Variants in DLX5 observed in about 807,000 individuals in gnomAD.
DLX5 encodes the protein distal-less homeobox 5.
In DLX5, 8 loss-of-function variants were observed where a neutral mutation model predicts 27.1. The observed-to-expected ratio is 0.30, with a 90% confidence interval of 0.17 to 0.53. The LOEUF is 0.53. DLX5 is among the 20% of genes least tolerant of loss of function. The pLI is 0.95. For synonymous variants in DLX5, 178 were observed against 161.9 expected (o/e 1.10, Z -0.75); for missense variants, 339 against 375.1 (o/e 0.90, Z 0.80).
At chr7:97,022,498 T>A (rs959658190) in intron 1 of DLX5, 129 bp from the exon 2 acceptor site, 118 of 1,500,124 alleles carry the variant, frequency 7.9e-5, no homozygotes, top group Non-Finnish European at 1.0e-4. Flanking sequence ...CACCACCACC[T>A]TTGCTTTTCA....
At chr7:97,023,771 A>T (rs1446423934) in intron 1 of DLX5, among the ~76,000 whole-genome samples, 3 of 70,258 alleles carry the variant, frequency 4.3e-5, no homozygotes, top group Admixed American at 1.6e-4. Flanking sequence ...TAACCCCCCC[A>T]CCCCCACCCA....
intron 1 of DLX5, among the ~76,000 whole-genome samples, chr7:97,023,346 G>A (rs950239749): frequency 1.4e-5 from 2 of 146,918 alleles, no homozygotes; most frequent in East Asian, 4.0e-4. Context: ...GGGTGTGTGT[G>A]TGTGTGTGTG....
At position 97,024,111 on chromosome 7, in the gene DLX5, G is replaced by A. The variant is rs1281198205; in HGVS notation, c.355+158C>T. Among the ~76,000 whole-genome samples the A allele has an allele frequency of 1.3e-5, 2 of 152,136 alleles. No individual in the cohort carries two copies. Among genetic ancestry groups the A allele is most frequent in the East Asian group, 1.9e-4 (1 of 5,178 alleles). On this transcript the variant is annotated intron_variant, in intron 1 of 2. Coordinates refer to ENST00000648378, the MANE Select transcript of DLX5 (RefSeq NM_005221.6). The surrounding 1 kb of genome is among the most constrained non-coding windows in gnomAD (Gnocchi z 4.6). ...CTAAAAATCCCTAAAATGCTGGCCC[G>A]AGAAACTCTCTTTGTTGGAGGGTCT...
rs1252989005 is a variant in DLX5 at position 97,024,370 on chromosome 7, C to G, written c.254G>C (p.Gly85Ala). ...GGCATAAGCTTTGGCTGGGTAGCTC[C>G]CGGCGGAGCCGTTCACGCCGTGATA... ...YQYHGVNGSA[G>A]SYPAKAYADY... Residue 85 changes from glycine (G) to alanine (A), a missense_variant, in exon 1 of 3, where the codon GGG becomes GCG. By Grantham distance (60) the Gly-to-Ala change is moderately conservative (BLOSUM62 0). This residue lies in a region of DLX5 where 188 missense variants were observed against 206.1 expected (regional missense o/e 0.91). Coordinates refer to ENST00000648378, the MANE Select transcript of DLX5 (RefSeq NM_005221.6). This position sits in a 1 kb window ranked among gnomAD's most constrained non-coding sequence, Gnocchi z 4.6. The G allele has an allele frequency of 4.3e-6, 7 of 1,614,104 alleles. No individual in the cohort carries two copies. The highest frequency in any genetic ancestry group is 5.9e-6 in the Non-Finnish European group (7 of 1,180,046).
In DLX5 at chr7:97,020,566, A is replaced by C; in HGVS notation, c.*170T>G. The C allele has an allele frequency of 1.5e-6, 1 of 668,856 alleles. No homozygotes were observed. The highest frequency in any genetic ancestry group is 3.8e-5 in the South Asian group (1 of 26,314). The allele number at this position is 668,856 out of a possible 1,614,324, so 41.4% of individuals were successfully genotyped here. A position where few individuals can be genotyped will look rare whatever the true frequency, so the allele number is the denominator to read the frequency against. On this transcript the variant is annotated 3_prime_UTR_variant, in exon 3 of 3. Transcript: ENST00000648378. ...CAGTTGCGCAAAAAAAGTCCTCTGT[A>C]AAAAAAGGGGGGGTCTTTTGAAATG...
At position 97,024,504 on chromosome 7, in the gene DLX5, AG is replaced by A. The variant is rs2115919635; in HGVS notation, c.119del (p.Ser40PhefsTer41). ...TGTAGTAGTCAGAATCGGTAGCTGA[AG>A]ACTCGGGCAAAGTTGGCGATTCCTG... ...PSQESPTLPE[S>X]SATDSDYYSP... On this transcript the variant is annotated frameshift_variant, in exon 1 of 3. Coordinates refer to ENST00000648378, the MANE Select transcript of DLX5 (RefSeq NM_005221.6). LOFTEE classifies it high-confidence loss of function. The surrounding 1 kb of genome is among the most constrained non-coding windows in gnomAD (Gnocchi z 4.6). 6.2e-7 allele frequency: 1 copy of A among 1,614,244 alleles called. No homozygotes were observed. Among genetic ancestry groups the A allele is most frequent in the South Asian group, 1.1e-5 (1 of 91,088 alleles).
At chr7:97,022,446 C>T (rs1221806505) in intron 1 of DLX5, 77 bp from the exon 2 acceptor site, 1 of 1,584,208 alleles carries the variant, frequency 6.3e-7, no homozygotes, top group Non-Finnish European at 8.6e-7. Context: ...CAAATAGAGT[C>T]CTAGAGTTTC....
rs1491163480 is a variant in DLX5 at position 97,023,338 on chromosome 7, G to GTGTA, written c.355+930_355+931insTACA. 9.2e-4 allele frequency among the ~76,000 whole-genome samples: 11 copies of GTGTA among 11,966 alleles called. No individual in the cohort carries two copies. The East Asian group carries it at 0.021, about 23-fold the overall frequency. 7.9% of individuals were successfully genotyped at this position (11,966 alleles called of 152,430 possible). On this transcript the variant is annotated intron_variant, in intron 1 of 2. Coordinates refer to ENST00000648378, the MANE Select transcript of DLX5 (RefSeq NM_005221.6). Reference sequence around the variant, plus strand: ...GGAACTGACGGAGAACCTCTCCAGGGTGTGTGTGTGTGTGTGTGTGTGTGT... The same window carrying GTGTA: ...GGAACTGACGGAGAACCTCTCCAGGGTGTATGTGTGTGTGTGTGTGTGTGTGTGT...
At position 97,020,752 on chromosome 7, in the gene DLX5, G is replaced by A; in HGVS notation, c.854C>T (p.Ser285Phe). The A allele has an allele frequency of 1.3e-6, 2 of 1,596,776 alleles. No homozygotes were observed. The highest frequency in any genetic ancestry group is 1.7e-6 in the Non-Finnish European group (2 of 1,168,864). Reference sequence around the variant, plus strand: ...GCAGCCCATCTAATAGAGTGTCCCGGAGGCCAGCGCCAGCGGGTGCTGTAA... The same window carrying A: ...GCAGCCCATCTAATAGAGTGTCCCGAAGGCCAGCGCCAGCGGGTGCTGTAA... ...GSLQHPLALA[S>F]GTLY Residue 285 changes from serine to phenylalanine, a missense_variant, in exon 3 of 3, where the codon TCC becomes TTC. By Grantham distance (155) the Ser-to-Phe change is radical. Transcript: ENST00000648378.
At chr7:97,021,787 C>T (rs1272453991) in intron 2 of DLX5, among the ~76,000 whole-genome samples, 1 of 152,206 alleles carries the variant, frequency 6.6e-6, no homozygotes, top group Non-Finnish European at 1.5e-5. Flanking sequence ...TTTTCTTAGC[C>T]TGAGACCACC....
intron 2 of DLX5, chr7:97,021,953 G>A: frequency 1.6e-6 from 1 of 615,276 alleles, no homozygotes; most frequent in South Asian, 2.0e-5. Context: ...CCGCTACGGG[G>A]TGGGGGCGGG....
At chr7:97,021,400 C>G (rs1011311124) in intron 2 of DLX5, among the ~76,000 whole-genome samples, 2 of 152,208 alleles carry the variant, frequency 1.3e-5, no homozygotes, top group Non-Finnish European at 2.9e-5. Flanking sequence ...TAAGCCTGCG[C>G]AGGACGCGCG....
Position 97,020,896 on chromosome 7 carries a change from G to T in DLX5, c.710C>A (p.Pro237His). 1.2e-6 allele frequency: 2 copies of T among 1,614,178 alleles called. No individual in the cohort carries two copies. The highest frequency in any genetic ancestry group is 1.7e-6 in the Non-Finnish European group (2 of 1,180,034). ...GTTGGAGGTCGGAGGGTGGGCATGAGGGTGGTGGCTGAGCGAGCGGGACGA... is the reference window on the plus strand; with the variant it reads ...GTTGGAGGTCGGAGGGTGGGCATGATGGTGGTGGCTGAGCGAGCGGGACGA... ...QGSSRSLSHH[P>H]HAHPPTSNQS... Residue 237 changes from proline (P) to histidine (H), a missense_variant, in exon 3 of 3, where the codon CCT becomes CAT. Around this residue, in one of 3 missense-constraint regions of DLX5, gnomAD observed 136 missense variants for 130.3 expected, o/e 1.04. Coordinates refer to ENST00000648378, the MANE Select transcript of DLX5 (RefSeq NM_005221.6).
At chr7:97,021,173 T>A in intron 2 of DLX5, 108 bp from the exon 3 acceptor site, 1 of 1,063,242 alleles carries the variant, frequency 9.4e-7, no homozygotes, top group South Asian at 1.6e-5. Context: ...GGCCCAGCCC[T>A]GCCTGGCGTC....
Position 97,020,746 on chromosome 7 carries a change from G to C in DLX5, c.860C>G (p.Thr287Arg), listed in dbSNP as rs772549093. 1.9e-6 allele frequency: 3 copies of C among 1,591,780 alleles called. No individual in the cohort carries two copies. The South Asian group carries it at 3.4e-5, about 18-fold the overall frequency. The change falls in exon 3 of 3, where the codon ACA becomes AGA. Residue 287 changes from threonine to arginine, a missense_variant. Physicochemically the swap from Thr to Arg is moderately conservative, Grantham distance 71. Coordinates refer to ENST00000648378, the MANE Select transcript of DLX5 (RefSeq NM_005221.6). ...LQHPLALASG[T>R]LY The stretch of plus-strand genomic sequence containing the variant: ...GAGAGAGCAGCCCATCTAATAGAGT[G>C]TCCCGGAGGCCAGCGCCAGCGGGTG...
Position 97,020,583 on chromosome 7 carries a change from T to G in DLX5, c.*153A>C. ...TCCTCTGTAAAAAAAGGGGGGGTCT[T>G]TTGAAATGCAATAACTTACATGCAA... On this transcript the variant is annotated 3_prime_UTR_variant, in exon 3 of 3. Transcript: ENST00000648378. 1.3e-6 allele frequency: 1 copy of G among 788,982 alleles called. No homozygotes were observed. Among genetic ancestry groups the G allele is most frequent in the South Asian group, 3.8e-5 (1 of 26,516 alleles). 48.9% of individuals were successfully genotyped at this position (788,982 alleles called of 1,614,324 possible).
In DLX5 at chr7:97,023,170, G is replaced by A. The variant is rs147363957; in HGVS notation, c.356-801C>T. On this transcript the variant is annotated intron_variant, in intron 1 of 2. Coordinates refer to ENST00000648378, the MANE Select transcript of DLX5 (RefSeq NM_005221.6). ...AAGGAACCGGTGGTGGGGTGTTTTCGTAGGAAAGGGGCGGCAGGTCAGGAT... is the reference window on the plus strand; with the variant it reads ...AAGGAACCGGTGGTGGGGTGTTTTCATAGGAAAGGGGCGGCAGGTCAGGAT... Among the ~76,000 whole-genome samples the A allele has an allele frequency of 1.4e-3, 209 of 150,544 alleles. 1 individual carries two copies. The highest frequency in any genetic ancestry group is 2.7e-3 in the Non-Finnish European group (185 of 67,564).
At position 97,024,443 on chromosome 7, in the gene DLX5, G is replaced by A; in HGVS notation, c.181C>T (p.Pro61Ser). 1 of 1,614,278 alleles carries A rather than the reference G, an allele frequency of 6.2e-7. No individual in the cohort carries two copies. The change falls in exon 1 of 3, where the codon CCT becomes TCT. Residue 61 changes from proline (P) to serine (S), a missense_variant. By Grantham distance (74) the Pro-to-Ser change is moderately conservative. This residue lies in a region of DLX5 where 188 missense variants were observed against 206.1 expected (regional missense o/e 0.91). Transcript: ENST00000648378. This position sits in a 1 kb window ranked among gnomAD's most constrained non-coding sequence, Gnocchi z 4.6. ...TGGAPHGYCS[P>S]TSASYGKALN... The stretch of plus-strand genomic sequence containing the variant: ...GCTTTGCCATAGGAAGCCGAGGTAG[G>A]AGAGCAGTAGCCGTGCGGGGCTCCC...
At chr7:97,022,679 T>C (rs1216656445) in intron 1 of DLX5, 3 of 790,704 alleles carry the variant, frequency 3.8e-6, no homozygotes, top group Non-Finnish European at 4.6e-6. Context: ...CCCGGACTTG[T>C]TTTTACGCCC....
Sources: gnomAD v4.1 joint callset for allele counts (sites outside exome capture counted in the v4.1 genomes callset) on GRCh38, gnomAD v4.1.1 for gene constraint, gnomAD v4.1.1 regional missense constraint, Gnocchi (gnomAD v3.1) non-coding constraint, MANE v1.5 for transcripts, NCBI Gene and HGNC (gene_info 2026-07-23, HGNC 2026-07-21) for gene names.